SVIL: variants seen among roughly 807,000 people sequenced by gnomAD.
SVIL encodes archvillin.
A neutral mutation model predicts 240.4 loss-of-function variants in SVIL; 101 were observed. The ratio of observed to expected loss-of-function variants is 0.42; its 90% CI spans 0.36 to 0.50. The LOEUF (loss-of-function observed/expected upper bound fraction) is 0.50. SVIL is among the 20% of genes least tolerant of loss of function. SVIL has a pLI of 0.01. For synonymous variants in SVIL, 999 were observed against 1,100.0 expected (o/e 0.91, Z 1.82); for missense variants, 2,512 against 2,818.7 (o/e 0.89, Z 2.46).
At chr10:29,501,530 T>A (rs538672235) in intron 17 of SVIL, among the ~76,000 whole-genome samples, 1 of 152,124 alleles carries the variant, frequency 6.6e-6, no homozygotes, top group Non-Finnish European at 1.5e-5. Flanking sequence ...GTAAAGCGTA[T>A]GAAAGTGCTC....
intron 13 of SVIL, 36 bp downstream of exon 13, chr10:29,526,925 C>T: frequency 3.4e-6 from 5 of 1,482,662 alleles, no homozygotes; most frequent in Non-Finnish European, 3.6e-6. Flanking sequence ...GGCACCTTTG[C>T]ACCGGGTGCC....
At chr10:29,696,666 T>G (rs758629741) in intron 1 of SVIL, among the ~76,000 whole-genome samples, 1 of 130,564 alleles carries the variant, frequency 7.7e-6, no homozygotes, top group African/African-American at 3.0e-5. Flanking sequence ...AGGTGAGGAG[T>G]GTCTCTGCCC....
intron 32 of SVIL, chr10:29,468,918 A>G (rs538295284): frequency 6.6e-6 from 1 of 152,298 alleles, no homozygotes; most frequent in African/African-American, 2.4e-5. Flanking sequence ...CTCTCCTGCT[A>G]GAACATGAAC....
At chr10:29,548,857 G>A (rs561939804) in intron 6 of SVIL, among the ~76,000 whole-genome samples, 1 of 152,316 alleles carries the variant, frequency 6.6e-6, no homozygotes, top group Non-Finnish European at 1.5e-5. Flanking sequence ...AGGGGTGTGA[G>A]AAACCCAGTA....
chr10:29,636,434 A>T (rs1344218538), upstream of SVIL, among the ~76,000 whole-genome samples: 20 of 152,208 alleles, frequency 1.3e-4, no homozygotes, highest in Admixed American at 1.3e-3. Context: ...ATTCACTCCC[A>T]CAAAATAAAC....
chr10:29,733,660 A>G (rs1320558658), intron 1 of SVIL, among the ~76,000 whole-genome samples: 2 of 152,140 alleles, frequency 1.3e-5, no homozygotes, highest in East Asian at 3.9e-4. Flanking sequence ...CAAATTGTCC[A>G]AGGCTGCAGA....
intron 12 of SVIL, among the ~76,000 whole-genome samples, chr10:29,528,838 T>C (rs1951128443): frequency 6.6e-6 from 1 of 152,148 alleles, no homozygotes; most frequent in South Asian, 2.1e-4. Flanking sequence ...TCTGAATATA[T>C]TGAAACATAT....
At chr10:29,496,502 C>G in intron 18 of SVIL, 1 of 434,714 alleles carries the variant, frequency 2.3e-6, no homozygotes, top group South Asian at 1.7e-5. Context: ...GTTTCCAAAG[C>G]AACCGGAGAA....
At chr10:29,470,153 A>AT (rs1307001962) in intron 32 of SVIL, 123 bp downstream of exon 32, 6 of 1,127,216 alleles carry the variant, frequency 5.3e-6, no homozygotes, top group Non-Finnish European at 7.8e-6. Flanking sequence ...GTTCCCAGCC[A>AT]TCCTTTGCTG....
At chr10:29,465,124 C>T (rs1158362580) in intron 34 of SVIL, among the ~76,000 whole-genome samples, 2 of 152,210 alleles carry the variant, frequency 1.3e-5, no homozygotes, top group African/African-American at 4.8e-5. Flanking sequence ...CAGAAGTCTG[C>T]TGGGGGCTTC....
chr10:29,549,709 C>T (rs1953055097), intron 6 of SVIL, among the ~76,000 whole-genome samples: 1 of 142,010 alleles, frequency 7.0e-6, no homozygotes, highest in African/African-American at 2.6e-5. Flanking sequence ...AGGATGAGTT[C>T]ATGTCCTTTG....
chr10:29,548,061 G>T (rs1342059116), intron 6 of SVIL, among the ~76,000 whole-genome samples: 1 of 152,110 alleles, frequency 6.6e-6, no homozygotes, highest in Non-Finnish European at 1.5e-5. Flanking sequence ...GCTGAAAAAA[G>T]GTGCTCAAAA....
intron 1 of SVIL, among the ~76,000 whole-genome samples, chr10:29,720,995 T>G (rs1382574579): frequency 6.6e-6 from 1 of 152,112 alleles, no homozygotes; most frequent in Non-Finnish European, 1.5e-5. Flanking sequence ...TACAGGCATG[T>G]GCCACCACAA....
At chr10:29,675,317 C>T (rs1960115691) in intron 2 of SVIL, among the ~76,000 whole-genome samples, 1 of 152,122 alleles carries the variant, frequency 6.6e-6, no homozygotes, top group Admixed American at 6.5e-5. Context: ...TTAGGCAACA[C>T]AGTAAGACCC....
At position 29,585,881 on chromosome 10, in the gene SVIL, G is replaced by A. The variant is rs538901010; in HGVS notation, c.-200-16569C>T. The stretch of plus-strand genomic sequence containing the variant: ...ATGAATGAGAAGCCGCTTAGACAAG[G>A]GATGTGAGCCAGAGCGCTCTGAGCG... On this transcript the variant is annotated intron_variant, in intron 1 of 37. Transcript: ENST00000355867. Among the ~76,000 whole-genome samples the A allele has an allele frequency of 2.0e-5, 3 of 152,372 alleles. No individual in the cohort carries two copies. The East Asian group carries it at 5.8e-4, about 29-fold the overall frequency.
rs61737920 is a variant in SVIL, at chr10:29,480,660, C to T, written c.5254G>A (p.Val1752Ile). The T allele has an allele frequency of 0.075, 120,672 of 1,614,148 alleles. 4,969 individuals carry two copies. The highest frequency in any genetic ancestry group is 0.12 in the Middle Eastern group (737 of 6,060). ...HDRRQFEITS[V>I]SVDVWHILEF... ...AGGATGTGCCAGACATCCACGGAAA[C>T]GCTGGTGATCTCAAACTGCCTCCTG... Residue 1752 changes from valine to isoleucine, a missense_variant, in exon 29 of 38, where the codon GTT becomes ATT. By Grantham distance (29) the Val-to-Ile change is conservative. Coordinates refer to ENST00000355867, the MANE Select transcript of SVIL (RefSeq NM_021738.3).
chr10:29,709,472 C>A (rs1317156444), intron 1 of SVIL, among the ~76,000 whole-genome samples: 1 of 152,250 alleles, frequency 6.6e-6, no homozygotes, highest in African/African-American at 2.4e-5. Flanking sequence ...AGATACCCTT[C>A]TTTGCCTTCC....
intron 1 of SVIL, among the ~76,000 whole-genome samples, chr10:29,721,477 TTAAA>T (rs1272065004): frequency 3.3e-5 from 5 of 151,786 alleles, no homozygotes; most frequent in African/African-American, 4.8e-5. Context: ...AAAAAGCACT[TTAAA>T]TAAAGCCACA....
chr10:29,616,991 G>A (rs1344253868), intron 1 of SVIL, among the ~76,000 whole-genome samples: 1 of 152,162 alleles, frequency 6.6e-6, no homozygotes, highest in Non-Finnish European at 1.5e-5. Flanking sequence ...CCAAAGTGCT[G>A]GGATTACAGG....
Sources: allele counts gnomAD v4.1 joint callset (sites outside exome capture counted in the v4.1 genomes callset), GRCh38; gene constraint gnomAD v4.1.1; transcripts MANE v1.5; gene names NCBI Gene and HGNC (gene_info 2026-07-23, HGNC 2026-07-21).